PMEPA1: variants seen among roughly 807,000 people sequenced by gnomAD.
PMEPA1 encodes prostate transmembrane protein, androgen induced 1, also known as protein TMEPAI.
A neutral mutation model predicts 23.0 loss-of-function variants in PMEPA1; 11 were observed. That is an observed-to-expected ratio of 0.48 (90% CI 0.30 to 0.79). The LOEUF is 0.79. Ranked by LOEUF, PMEPA1 falls within the 30% of genes least tolerant of loss-of-function variation. The pLI is 0.06. For missense variants in PMEPA1, 377 were observed against 390.9 expected (o/e 0.96, Z 0.30); for synonymous variants, 204 against 166.4 (o/e 1.23, Z -1.74).
chr20:57,675,981 C>G (rs945775707), intron 1 of PMEPA1, among the ~76,000 whole-genome samples: 4 of 152,288 alleles, frequency 2.6e-5, no homozygotes, highest in African/African-American at 9.6e-5. Flanking sequence ...CCCCGCCCCA[C>G]AGGCGAGGCT....
intron 1 of PMEPA1, among the ~76,000 whole-genome samples, chr20:57,701,567 G>A (rs867665435): frequency 6.6e-6 from 1 of 152,084 alleles, no homozygotes; most frequent in East Asian, 1.9e-4. Context: ...TAGAAGAGAG[G>A]GCAGGTATGA....
At chr20:57,676,213 T>C (rs1050759932) in intron 1 of PMEPA1, among the ~76,000 whole-genome samples, 3 of 152,214 alleles carry the variant, frequency 2.0e-5, no homozygotes, top group African/African-American at 7.2e-5. Context: ...ACCTGCTGTA[T>C]GTGTGGTGTC....
At chr20:57,687,651 A>G (rs1404321416) in intron 1 of PMEPA1, among the ~76,000 whole-genome samples, 1 of 152,236 alleles carries the variant, frequency 6.6e-6, no homozygotes, top group East Asian at 1.9e-4. Flanking sequence ...GGTTGACCTG[A>G]AAAGAAAGGA....
chr20:57,653,419 ACATGGCCTCAGCC>A (rs2071282320), intron 2 of PMEPA1, among the ~76,000 whole-genome samples: 1 of 152,100 alleles, frequency 6.6e-6, no homozygotes. Flanking sequence ...ACCAGGCTGA[ACATGGCCTCAGCC>A]CCTCACCCCT....
chr20:57,693,015 G>A (rs769490758), intron 1 of PMEPA1, among the ~76,000 whole-genome samples: 40 of 152,334 alleles, frequency 2.6e-4, no homozygotes, highest in Non-Finnish European at 4.3e-4. Context: ...ATAAGGAAAC[G>A]TGGCAAAACT....
Position 57,650,739 on chromosome 20 carries a change from C to T in PMEPA1, c.*1314G>A, listed in dbSNP as rs940720744. 1 of 151,920 alleles carries T rather than the reference C, an allele frequency of 6.6e-6. No homozygotes were observed. Among genetic ancestry groups the T allele is most frequent in the African/African-American group, 2.4e-5 (1 of 41,166 alleles). The allele number at this position is 151,920 out of a possible 1,614,324, so 9.4% of individuals were successfully genotyped here. A position where few individuals can be genotyped will look rare whatever the true frequency, so the allele number is the denominator to read the frequency against. ...CCCTTTCACCTATCCTGGGAGAAAC[C>T]CAGGCTTGTCACCTTTTCATGTTGG... On this transcript the variant is annotated 3_prime_UTR_variant, in exon 4 of 4. Transcript: ENST00000341744.
At chr20:57,679,978 C>CA (rs2071690644) in intron 1 of PMEPA1, among the ~76,000 whole-genome samples, 1 of 152,214 alleles carries the variant, frequency 6.6e-6, no homozygotes, top group Non-Finnish European at 1.5e-5. Context: ...TCCTTGGGTA[C>CA]AGGCTGTCCA....
At chr20:57,691,358 G>C (rs779323506) in intron 1 of PMEPA1, among the ~76,000 whole-genome samples, 1 of 152,220 alleles carries the variant, frequency 6.6e-6, no homozygotes, top group Non-Finnish European at 1.5e-5. Flanking sequence ...CTCCAGCAGA[G>C]GGGCTGCGCT....
At chr20:57,654,326 A>T (rs1375931243) in intron 2 of PMEPA1, among the ~76,000 whole-genome samples, 2 of 152,192 alleles carry the variant, frequency 1.3e-5, no homozygotes, top group African/African-American at 4.8e-5. Context: ...CACCACAATC[A>T]AGATAATGAG....
chr20:57,681,647 C>G (rs1329679714), intron 1 of PMEPA1, among the ~76,000 whole-genome samples: 1 of 152,204 alleles, frequency 6.6e-6, no homozygotes, highest in Non-Finnish European at 1.5e-5. Context: ...TACCCTCCAC[C>G]TCCTCCCCTG....
intron 2 of PMEPA1, among the ~76,000 whole-genome samples, chr20:57,654,470 G>A (rs919896091): frequency 6.6e-6 from 1 of 151,974 alleles, no homozygotes; most frequent in Admixed American, 6.5e-5. Context: ...GAGGCTCTGT[G>A]GCCCCTCAAA....
Position 57,648,956 on chromosome 20 carries a change from C to T in PMEPA1, c.*3097G>A, listed in dbSNP as rs1466098003. The stretch of plus-strand genomic sequence containing the variant: ...GGTCCCTTTTCATTCTTTGCAAAAA[C>T]ACTGGGCTTTCTGAGAACACGGACG... On this transcript the variant is annotated 3_prime_UTR_variant, in exon 4 of 4. Transcript: ENST00000341744. The T allele has an allele frequency of 6.6e-6, 1 of 152,126 alleles. No individual in the cohort carries two copies. Among genetic ancestry groups the T allele is most frequent in the Non-Finnish European group, 1.5e-5 (1 of 68,028 alleles). 9.4% of individuals were successfully genotyped at this position (152,126 alleles called of 1,614,324 possible).
chr20:57,658,726 C>T (rs568299196), intron 2 of PMEPA1, among the ~76,000 whole-genome samples: 2 of 152,274 alleles, frequency 1.3e-5, no homozygotes, highest in South Asian at 4.1e-4. Flanking sequence ...TAAACTTAGG[C>T]CCCGGGACCT....
chr20:57,678,294 A>G (rs1379238660), intron 1 of PMEPA1, among the ~76,000 whole-genome samples: 7 of 152,254 alleles, frequency 4.6e-5, no homozygotes, highest in Non-Finnish European at 7.3e-5. Context: ...GGGAAGCTGG[A>G]GGATATCTAC....
intron 1 of PMEPA1, chr20:57,690,601 A>T: frequency 8.1e-7 from 1 of 1,229,332 alleles, no homozygotes; most frequent in Admixed American, 2.7e-5. Flanking sequence ...GTCATGTGCA[A>T]ACAGGTGGCA....
chr20:57,706,425 C>T (rs1298534815), intron 1 of PMEPA1, among the ~76,000 whole-genome samples: 4 of 152,192 alleles, frequency 2.6e-5, no homozygotes, highest in East Asian at 3.8e-4. Context: ...GGCTGTCACT[C>T]GTGCTGCCTG....
chr20:57,701,554 C>T (rs957657312), intron 1 of PMEPA1, among the ~76,000 whole-genome samples: 8 of 152,194 alleles, frequency 5.3e-5, no homozygotes, highest in Non-Finnish European at 1.2e-4. Flanking sequence ...TGCCCCTTAG[C>T]TCTAGAAGAG....
intron 1 of PMEPA1, among the ~76,000 whole-genome samples, chr20:57,686,882 C>T (rs938239602): frequency 2.0e-5 from 3 of 152,224 alleles, no homozygotes; most frequent in African/African-American, 4.8e-5. Context: ...ACACTAATCC[C>T]GTGGGAAGGA....
intron 1 of PMEPA1, chr20:57,690,352 C>T: frequency 9.6e-7 from 1 of 1,045,516 alleles, no homozygotes; most frequent in Non-Finnish European, 1.3e-6. Context: ...CAGCGCTACA[C>T]ATGCAAATGC....
Sources: allele counts gnomAD v4.1 joint callset (sites outside exome capture counted in the v4.1 genomes callset), GRCh38; gene constraint gnomAD v4.1.1; transcripts MANE v1.5; gene names NCBI Gene and HGNC (gene_info 2026-07-23, HGNC 2026-07-21).